Variants in CCDC80 observed in about 807,000 individuals in gnomAD.
CCDC80 encodes coiled-coil domain-containing protein 80.
In CCDC80, 49 loss-of-function variants were observed where a neutral mutation model predicts 78.7. The ratio of observed to expected loss-of-function variants is 0.62; its 90% CI spans 0.50 to 0.79. CCDC80 has a LOEUF of 0.79. Ranked by LOEUF, CCDC80 falls within the 30% of genes least tolerant of loss-of-function variation. CCDC80 has a pLI of 0.00. For synonymous variants in CCDC80, 488 were observed against 447.0 expected (o/e 1.09, Z -1.16); for missense variants, 1,205 against 1,198.6 (o/e 1.01, Z -0.08).
intron 2 of CCDC80, among the ~76,000 whole-genome samples, chr3:112,635,084 A>C (rs1386480574): frequency 6.6e-6 from 1 of 152,188 alleles, no homozygotes; most frequent in African/African-American, 2.4e-5. Flanking sequence ...ACCTGGCTCC[A>C]CCTGCAGCTC....
In CCDC80 at chr3:112,601,501, G is replaced by T. The variant is rs1292168749; in HGVS notation, c.*3916C>A. ...TGACAATATTACTTGATAAATATTT[G>T]TTGAAAAAAGAAATGTAGTAAAGAA... is the stretch of plus-strand genomic sequence containing the variant. On this transcript the variant is annotated 3_prime_UTR_variant, in exon 8 of 8. Transcript: ENST00000206423. The T allele has an allele frequency of 6.6e-6, 1 of 151,948 alleles. No homozygotes were observed. Among genetic ancestry groups the T allele is most frequent in the Non-Finnish European group, 1.5e-5 (1 of 67,986 alleles). The allele number at this position is 151,948 out of a possible 1,614,324, so 9.4% of individuals were successfully genotyped here.
chr3:112,616,317 G>C (rs533983622), intron 5 of CCDC80, among the ~76,000 whole-genome samples: 17 of 151,918 alleles, frequency 1.1e-4, no homozygotes, highest in African/African-American at 4.1e-4. Context: ...ACCAGAAGGG[G>C]CCTAATAAAT....
At chr3:112,616,620 C>A (rs1935754241) in intron 5 of CCDC80, 90 bp downstream of exon 5, 20 of 1,440,094 alleles carry the variant, frequency 1.4e-5, no homozygotes, top group Non-Finnish European at 1.7e-5. Context: ...TCTGTAAACA[C>A]CTGTGGGATC....
chr3:112,607,273 A>G lies in CCDC80; in HGVS notation c.2426-17T>C. On this transcript the variant is annotated splice_polypyrimidine_tract_variant and intron_variant, in intron 6 of 7. Transcript: ENST00000206423. ...GGCGCAGACCTGAGAGAAAAAAGAA[A>G]ACCATAGGATTAGAGGAAAGGATTA... 5.6e-6 allele frequency: 9 copies of G among 1,599,298 alleles called. No individual in the cohort carries two copies. Among genetic ancestry groups the G allele is most frequent in the Non-Finnish European group, 7.7e-6 (9 of 1,171,868 alleles).
At chr3:112,628,897 T>A (rs1207955819) in intron 3 of CCDC80, among the ~76,000 whole-genome samples, 2 of 152,166 alleles carry the variant, frequency 1.3e-5, no homozygotes, top group Non-Finnish European at 2.9e-5. Context: ...CTGAATCAGC[T>A]CTAGAGATCT....
chr3:112,636,255 G>A (rs1936205071), intron 2 of CCDC80, among the ~76,000 whole-genome samples: 1 of 152,100 alleles, frequency 6.6e-6, no homozygotes, highest in Non-Finnish European at 1.5e-5. Context: ...GTATCAGGTA[G>A]AGTTTTACTC....
At chr3:112,623,280 C>A (rs1318028352) in intron 3 of CCDC80, among the ~76,000 whole-genome samples, 5 of 152,198 alleles carry the variant, frequency 3.3e-5, no homozygotes, top group Non-Finnish European at 7.3e-5. Flanking sequence ...AATGACACTG[C>A]AGAAAATTCA....
intron 5 of CCDC80, among the ~76,000 whole-genome samples, chr3:112,613,366 G>T (rs1200339352): frequency 2.6e-5 from 4 of 152,024 alleles, no homozygotes; most frequent in Non-Finnish European, 5.9e-5. Context: ...ATCCATAAAA[G>T]ATGTATATTC....
In CCDC80 at chr3:112,638,354, AG is replaced by A; in HGVS notation, c.1551del (p.Ser518LeufsTer37). 6.2e-7 allele frequency: 1 copy of A among 1,613,978 alleles called. No individual in the cohort carries two copies. The highest frequency in any genetic ancestry group is 8.5e-7 in the Non-Finnish European group (1 of 1,180,004). ...EEKYDLSRPTASQLEDELQVG... is the reference protein window; with the variant it reads ...EEKYDLSRPTXSQLEDELQVG... ...ACCTGCAGCTCGTCCTCCAGCTGAG[AG>A]GCAGTAGGCCGGCTGAGGTCATACT... On this transcript the variant is annotated frameshift_variant, in exon 2 of 8. Coordinates refer to ENST00000206423, the MANE Select transcript of CCDC80 (RefSeq NM_199511.3). LOFTEE classifies it high-confidence loss of function.
Position 112,639,729 on chromosome 3 carries a change from G to A in CCDC80, c.177C>T (p.Arg59=), listed in dbSNP as rs1330863475. 1.9e-6 allele frequency: 3 copies of A among 1,613,948 alleles called. No individual in the cohort carries two copies. The highest frequency in any genetic ancestry group is 1.1e-5 in the South Asian group (1 of 91,080). ...ARFLRHTGRS[R]GIERSTLEEP... ...CCTCCAGAGTGGATCTCTCAATTCCGCGAGACCTCCCAGTGTGCCTCAGAA... is the reference window on the plus strand; with the variant it reads ...CCTCCAGAGTGGATCTCTCAATTCCACGAGACCTCCCAGTGTGCCTCAGAA... Residue 59 remains arginine, a synonymous_variant, in exon 2 of 8, where the codon CGC becomes CGT. Coordinates refer to ENST00000206423, the MANE Select transcript of CCDC80 (RefSeq NM_199511.3).
Position 112,638,900 on chromosome 3 carries a change from CGG to C in CCDC80, c.1004_1005del (p.Ala335GlyfsTer66), listed in dbSNP as rs1553748929. On this transcript the variant is annotated frameshift_variant, in exon 2 of 8. Transcript: ENST00000206423. LOFTEE classifies it high-confidence loss of function. ...GGTTGGGGCAAAGCTGGTGCAGTGG[CGG>C]CCAGTTTTCTCAGGACCTTCACCCG... is the stretch of plus-strand genomic sequence containing the variant. Reference protein sequence around the residue: ...ESRVKVLRKLAATAPALPQPP... With the variant: ...ESRVKVLRKLXATAPALPQPP... The C allele has an allele frequency of 6.2e-7, 1 of 1,613,220 alleles. No homozygotes were observed. The highest frequency in any genetic ancestry group is 8.5e-7 in the Non-Finnish European group (1 of 1,179,958).
At chr3:112,623,663 C>G (rs1935911304) in intron 3 of CCDC80, among the ~76,000 whole-genome samples, 1 of 152,190 alleles carries the variant, frequency 6.6e-6, no homozygotes, top group Non-Finnish European at 1.5e-5. Flanking sequence ...CAAAGAGCTA[C>G]TGTCCCAGAG....
Position 112,617,502 on chromosome 3 carries a change from C to CCCCTTCGAGCAG in CCDC80, c.2173-645_2173-644insCTGCTCGAAGGG, listed in dbSNP as rs542231851. 3.2e-4 allele frequency among the ~76,000 whole-genome samples: 48 copies of CCCCTTCGAGCAG among 152,348 alleles called. 1 individual carries two copies. In the East Asian group the frequency reaches 8.5e-3, roughly 27 times the overall value. On this transcript the variant is annotated intron_variant, in intron 4 of 7. Transcript: ENST00000206423. ...AGCATAAACTGGAGAGCAGTCTGGA[C>CCCCTTCGAGCAG]ATGGCTCGAAGCTCTGCCCTCTGTG... is the stretch of plus-strand genomic sequence containing the variant.
At chr3:112,614,570 C>T (rs1935693984) in intron 5 of CCDC80, among the ~76,000 whole-genome samples, 1 of 151,472 alleles carries the variant, frequency 6.6e-6, no homozygotes, top group South Asian at 2.1e-4. Flanking sequence ...TCAGTGGAGG[C>T]TGCCCCTACG....
intron 4 of CCDC80, 76 bp downstream of exon 4, chr3:112,618,892 T>C: frequency 6.8e-7 from 1 of 1,463,164 alleles, no homozygotes; most frequent in Admixed American, 2.0e-5. Context: ...GTACATTGAA[T>C]GGACTGTTTA....
At chr3:112,637,888 AG>A (rs1936237951) in intron 2 of CCDC80, 139 bp downstream of exon 2, 55 of 1,377,028 alleles carry the variant, frequency 4.0e-5, no homozygotes, top group Non-Finnish European at 5.1e-5. Flanking sequence ...CTCTTTTGCC[AG>A]ACTTCTGAGC....
Position 112,630,124 on chromosome 3 carries a change from T to G in CCDC80, c.2024A>C (p.His675Pro), listed in dbSNP as rs769193385. The change falls in exon 3 of 8, where the codon CAC becomes CCC. Residue 675 changes from histidine (H) to proline (P), a missense_variant. His to Pro is a moderately conservative substitution (Grantham distance 77, BLOSUM62 -2). Transcript: ENST00000206423. ...PVNNSTMKIDHFQLDNEKPMR... is the reference protein window; with the variant it reads ...PVNNSTMKIDPFQLDNEKPMR... ...ATGTTTAAGAGAACCTAGCTGAAAG[T>G]GGTCGATTTTCATGGTGCTGTTGTT... 4.3e-6 allele frequency: 7 copies of G among 1,613,626 alleles called. No individual in the cohort carries two copies. In the South Asian group the frequency reaches 7.7e-5, roughly 18 times the overall value.
Position 112,630,543 on chromosome 3 carries a change from C to T in CCDC80, c.1879-274G>A, listed in dbSNP as rs180695774. On this transcript the variant is annotated intron_variant, in intron 2 of 7. Transcript: ENST00000206423. ...TCACTTTTCTTATTTGTGAACTCTG[C>T]AAAGGAATATTTATTTTGCAAGGCT... Among the ~76,000 whole-genome samples, 28 of 152,284 alleles carry T rather than the reference C, an allele frequency of 1.8e-4. 1 individual carries two copies. In the East Asian group the frequency reaches 5.2e-3, roughly 28 times the overall value.
At chr3:112,631,468 C>A (rs1174705246) in intron 2 of CCDC80, among the ~76,000 whole-genome samples, 1 of 152,138 alleles carries the variant, frequency 6.6e-6, no homozygotes, top group African/African-American at 2.4e-5. Flanking sequence ...CAGAAGCAAA[C>A]CTCTATAAAT....
Sources: allele counts gnomAD v4.1 joint callset (sites outside exome capture counted in the v4.1 genomes callset), GRCh38; gene constraint gnomAD v4.1.1; transcripts MANE v1.5; gene names NCBI Gene and HGNC (gene_info 2026-07-23, HGNC 2026-07-21).